Variants in CELSR3 observed in about 807,000 individuals in gnomAD.
CELSR3 encodes the protein cadherin EGF LAG seven-pass G-type receptor 3, also known as EGF-like protein 1.
In CELSR3, 73 loss-of-function variants were observed where a neutral mutation model predicts 270.0. The ratio of observed to expected loss-of-function variants is 0.27; its 90% CI spans 0.22 to 0.33. The LOEUF (loss-of-function observed/expected upper bound fraction) is 0.33. Among genes scored for constraint, CELSR3 ranks in the 10% least tolerant of loss-of-function variants. CELSR3 has a pLI of 1.00. For missense variants in CELSR3, 3,614 were observed against 4,533.8 expected (o/e 0.80, Z 5.83); for synonymous variants, 1,780 against 1,905.4 (o/e 0.93, Z 1.71).
Position 48,654,311 on chromosome 3 carries a change from G to A in CELSR3, c.5130C>T (p.Val1710=), listed in dbSNP as rs1275152230. 5.6e-6 allele frequency: 9 copies of A among 1,613,778 alleles called. No homozygotes were observed. Among genetic ancestry groups the A allele is most frequent in the African/African-American group, 2.7e-5 (2 of 75,042 alleles). ...DGRRVDMAAF[V]ANNGTMAGCQ... ...TACCTGCCATGGTGCCATTATTTGC[G>A]ACAAAAGCCGCCATGTCCACTCGGC... Residue 1710 remains valine (V), a synonymous_variant, in exon 7 of 35, where the codon GTC becomes GTT. Transcript: ENST00000164024. This position sits in a 1 kb window ranked among gnomAD's most constrained non-coding sequence, Gnocchi z 5.4.
In CELSR3 at chr3:48,646,654, G is replaced by A; in HGVS notation, c.7295+109C>T. On this transcript the variant is annotated intron_variant, in intron 21 of 34. Transcript: ENST00000164024. This position sits in a 1 kb window ranked among gnomAD's most constrained non-coding sequence, Gnocchi z 4.8. ...GAACCCGGCAAGGATGGGGCTCCCT[G>A]GAGCTGTGCTCCTCTCTGTGTGTTG... 2 of 1,156,586 alleles carry A rather than the reference G, an allele frequency of 1.7e-6. No individual in the cohort carries two copies. Among genetic ancestry groups the A allele is most frequent in the Non-Finnish European group, 2.4e-6 (2 of 817,160 alleles). The allele number at this position is 1,156,586 out of a possible 1,614,324, so 71.6% of individuals were successfully genotyped here.
rs1237750176 is a variant in CELSR3, at chr3:48,662,267, C to T, written c.368G>A (p.Arg123Gln). ...AGACCCTGGTCCCTGTCCTGTCTCT[C>T]GTTCGCGGCTGCCCAATGGCTGGAC... ...HGVQPLGSRE[R>Q]ETGQGPGSVL... is the part of the protein sequence containing the mutation. Residue 123 changes from arginine (R) to glutamine (Q), a missense_variant, in exon 1 of 35, where the codon CGA becomes CAA. Transcript: ENST00000164024. The surrounding 1 kb of genome is among the most constrained non-coding windows in gnomAD (Gnocchi z 7.1). 1.2e-6 allele frequency: 2 copies of T among 1,613,004 alleles called. No individual in the cohort carries two copies. Among genetic ancestry groups the T allele is most frequent in the African/African-American group, 1.3e-5 (1 of 74,934 alleles).
rs1302350899 is a variant in CELSR3 at position 48,639,463 on chromosome 3, G to A, written c.9911+211C>T. ...GTGCTGGGAAGGCTGGCTGGCTCCA[G>A]TCACACAGCCAGCAAGTCCCTGCTA... On this transcript the variant is annotated intron_variant, in intron 34 of 34. Coordinates refer to ENST00000164024, the MANE Select transcript of CELSR3 (RefSeq NM_001407.3). This position sits in a 1 kb window ranked among gnomAD's most constrained non-coding sequence, Gnocchi z 4.1. Among the ~76,000 whole-genome samples, 1 of 152,160 alleles carries A rather than the reference G, an allele frequency of 6.6e-6. No individual in the cohort carries two copies. Among genetic ancestry groups the A allele is most frequent in the Non-Finnish European group, 1.5e-5 (1 of 68,026 alleles).
rs745588778 is a variant in CELSR3 at position 48,659,412 on chromosome 3, G to A, written c.3223C>T (p.Arg1075Trp). ...PVFPAEEFEV[R>W]VKENSIVGSV... ...CCCACAATGCTATTCTCTTTCACCC[G>A]CACCTCAAACTCCTCAGCTGGGAAG... The change falls in exon 1 of 35, where the codon CGG becomes TGG. Residue 1075 changes from arginine to tryptophan, a missense_variant. By Grantham distance (101) the Arg-to-Trp change is moderately radical. Coordinates refer to ENST00000164024, the MANE Select transcript of CELSR3 (RefSeq NM_001407.3). The surrounding 1 kb of genome is among the most constrained non-coding windows in gnomAD (Gnocchi z 8.1). 1.1e-5 allele frequency: 18 copies of A among 1,614,008 alleles called. No individual in the cohort carries two copies. Among genetic ancestry groups the A allele is most frequent in the Admixed American group, 3.3e-5 (2 of 60,004 alleles).
rs761499699 is a variant in CELSR3, at chr3:48,640,021, G to A, written c.9564C>T (p.Ser3188=). The A allele has an allele frequency of 9.3e-6, 15 of 1,611,852 alleles. No individual in the cohort carries two copies. Among genetic ancestry groups the A allele is most frequent in the Non-Finnish European group, 1.2e-5 (14 of 1,179,846 alleles). Residue 3188 remains serine (S), a synonymous_variant, in exon 34 of 35, where the codon TCC becomes TCT. Transcript: ENST00000164024. This position sits in a 1 kb window ranked among gnomAD's most constrained non-coding sequence, Gnocchi z 7.5. ...TCCTAGACAGAGAGTCCAGCGGCCG[G>A]GATGGCAAGAGGGGGTCCCTTGAGA... ...RQLSRDPLLP[S]RPLDSLSRSS...
Position 48,651,108 on chromosome 3 carries a change from G to C in CELSR3, c.6187-33C>G, listed in dbSNP as rs573751193. On this transcript the variant is annotated intron_variant, in intron 14 of 34. Transcript: ENST00000164024. This position sits in a 1 kb window ranked among gnomAD's most constrained non-coding sequence, Gnocchi z 7.4. ...AGGATGGGCCAGGGGCCTGAAGTCAGAGGTCAGGGCTTGGGGAATGAGTGG... is the reference window on the plus strand; with the variant it reads ...AGGATGGGCCAGGGGCCTGAAGTCACAGGTCAGGGCTTGGGGAATGAGTGG... 1 of 1,536,680 alleles carries C rather than the reference G, an allele frequency of 6.5e-7. No individual in the cohort carries two copies.
At position 48,662,445 on chromosome 3, in the gene CELSR3, A is replaced by G; in HGVS notation, c.190T>C (p.Cys64Arg). The G allele has an allele frequency of 6.2e-7, 1 of 1,612,672 alleles. No homozygotes were observed. Residue 64 changes from cysteine to arginine, a missense_variant, in exon 1 of 35, where the codon TGT becomes CGT. Coordinates refer to ENST00000164024, the MANE Select transcript of CELSR3 (RefSeq NM_001407.3). This position sits in a 1 kb window ranked among gnomAD's most constrained non-coding sequence, Gnocchi z 7.1. ...AHIGGGALAL[C>R]PESSGVREDG... is the part of the protein sequence containing the mutation. ...TCCCGGACCCCGGAAGACTCCGGAC[A>G]AAGAGCTAAGGCTCCGCCACCGATA...
rs2077077841 is a variant in CELSR3 at position 48,662,573 on chromosome 3, A to T, written c.62T>A (p.Leu21His). ...GAGGGGGAACAAAGAGAGGAGAAGG[A>T]GCAGGAGTATGGGGGTCGACCGTCC... is the stretch of plus-strand genomic sequence containing the variant. ...LGGRSTPILL[L>H]LLLSLFPLSQ... is the part of the protein sequence containing the mutation. Residue 21 changes from leucine to histidine, a missense_variant, in exon 1 of 35, where the codon CTC (leucine) becomes CAC (histidine). Around this residue, in one of 7 missense-constraint regions of CELSR3, gnomAD observed 470 missense variants for 469.7 expected, o/e 1.00. Coordinates refer to ENST00000164024, the MANE Select transcript of CELSR3 (RefSeq NM_001407.3). This position sits in a 1 kb window ranked among gnomAD's most constrained non-coding sequence, Gnocchi z 7.1. The T allele has an allele frequency of 6.4e-7, 1 of 1,559,350 alleles. No individual in the cohort carries two copies. The highest frequency in any genetic ancestry group is 8.7e-7 in the Non-Finnish European group (1 of 1,152,166).
Position 48,659,180 on chromosome 3 carries a change from C to A in CELSR3, c.3455G>T (p.Arg1152Leu). The change falls in exon 1 of 35, where the codon CGG (arginine) becomes CTG (leucine). Residue 1152 changes from arginine (R) to leucine (L), a missense_variant. Around this residue, in one of 7 missense-constraint regions of CELSR3, gnomAD observed 1,331 missense variants for 1,933.7 expected, o/e 0.69. Coordinates refer to ENST00000164024, the MANE Select transcript of CELSR3 (RefSeq NM_001407.3). The surrounding 1 kb of genome is among the most constrained non-coding windows in gnomAD (Gnocchi z 8.1). ...VQATSAPLVSRATVHVRLVDQ... is the reference protein window; with the variant it reads ...VQATSAPLVSLATVHVRLVDQ... ...AACCAGGCGGACGTGCACAGTGGCC[C>A]GGCTGACCAAAGGAGCAGATGTGGC... 6.2e-7 allele frequency: 1 copy of A among 1,614,162 alleles called. No homozygotes were observed.
rs142164680 is a variant in CELSR3 at position 48,642,111 on chromosome 3, G to A, written c.8666-102C>T. On this transcript the variant is annotated intron_variant, in intron 31 of 34. Transcript: ENST00000164024. The surrounding 1 kb of genome is among the most constrained non-coding windows in gnomAD (Gnocchi z 6.1). ...AGGTGGGTACGGCAAGGGGGTTAGG[G>A]TTGGGGACAGGAACCGGGGCTTGAA... is the stretch of plus-strand genomic sequence containing the variant. 4.6e-5 allele frequency: 54 copies of A among 1,169,752 alleles called. 1 individual carries two copies. The African/African-American group carries it at 7.9e-4, about 17-fold the overall frequency. 72.5% of individuals were successfully genotyped at this position (1,169,752 alleles called of 1,614,324 possible).
chr3:48,662,095 G>A lies in CELSR3; in HGVS notation c.540C>T (p.His180=), dbSNP rs773523822. The A allele has an allele frequency of 6.2e-7, 1 of 1,613,952 alleles. No homozygotes were observed. The highest frequency in any genetic ancestry group is 2.2e-5 in the East Asian group (1 of 44,872). ...GCTGGGAGGACACCGGCTTGGGACC[G>A]TGGTGCCGAATCAAAAAGTCTGAAG... ...PLPSDFLIRH[H]GPKPVSSQRN... The change falls in exon 1 of 35, where the codon CAC becomes CAT. Residue 180 remains histidine (H), a synonymous_variant. Coordinates refer to ENST00000164024, the MANE Select transcript of CELSR3 (RefSeq NM_001407.3). The surrounding 1 kb of genome is among the most constrained non-coding windows in gnomAD (Gnocchi z 7.1).
rs189792349 is a variant in CELSR3, at chr3:48,654,727, G to T, written c.4989-275C>A. 1.9e-3 allele frequency among the ~76,000 whole-genome samples: 288 copies of T among 152,080 alleles called. 3 individuals are homozygous for T. The highest frequency in any genetic ancestry group is 6.4e-3 in the African/African-American group (265 of 41,468). On this transcript the variant is annotated intron_variant, in intron 6 of 34. Transcript: ENST00000164024. This position sits in a 1 kb window ranked among gnomAD's most constrained non-coding sequence, Gnocchi z 5.4. ...GGCTGGCTGGGGAGGGGATGGAGAC[G>T]TGAAGACTCTGGGGGACTGGACATG...
chr3:48,650,636 CCA>C lies in CELSR3; in HGVS notation c.6371-57_6371-56del. 2 of 1,413,982 alleles carry C rather than the reference CCA, an allele frequency of 1.4e-6. No homozygotes were observed. Among genetic ancestry groups the C allele is most frequent in the Non-Finnish European group, 1.9e-6 (2 of 1,033,288 alleles). The allele number at this position is 1,413,982 out of a possible 1,614,324, so 87.6% of individuals were successfully genotyped here. A position where few individuals can be genotyped will look rare whatever the true frequency, so the allele number is the denominator to read the frequency against. On this transcript the variant is annotated intron_variant, in intron 15 of 34. Transcript: ENST00000164024. This position sits in a 1 kb window ranked among gnomAD's most constrained non-coding sequence, Gnocchi z 5.1. ...AGTCAGGGTACAGGGCAGTTGACAG[CCA>C]CACCCACTGCCCCTCCACCACCCCC...
At chr3:48,643,492 G>T (rs1475362310) in intron 28 of CELSR3, 62 bp downstream of exon 28, 5 of 1,527,338 alleles carry the variant, frequency 3.3e-6, no homozygotes, top group Non-Finnish European at 4.4e-6. Flanking sequence ...TCTGCCTAGG[G>T]ATGGCCCCAG....
In CELSR3 at chr3:48,638,166, T is replaced by C. The variant is rs1169555147; in HGVS notation, c.*39A>G. ...GTCTCTCCTGTTAGCCTAGATCCTC[T>C]GTCGCCCTCAGCTGTTCCTCGTCCA... On this transcript the variant is annotated 3_prime_UTR_variant, in exon 35 of 35. Coordinates refer to ENST00000164024, the MANE Select transcript of CELSR3 (RefSeq NM_001407.3). 1 of 1,596,302 alleles carries C rather than the reference T, an allele frequency of 6.3e-7. No individual in the cohort carries two copies. The highest frequency in any genetic ancestry group is 1.7e-5 in the Admixed American group (1 of 59,968).
At position 48,645,261 on chromosome 3, in the gene CELSR3, C is replaced by T. The variant is rs1287692789; in HGVS notation, c.7798-52G>A. The T allele has an allele frequency of 6.5e-7, 1 of 1,549,830 alleles. No individual in the cohort carries two copies. Reference sequence around the variant, plus strand: ...CTCTCCTGCCTCACCCACCTCTGACCCCTACCCCAGGCATCTGCTTCCCAC... The same window carrying T: ...CTCTCCTGCCTCACCCACCTCTGACTCCTACCCCAGGCATCTGCTTCCCAC... On this transcript the variant is annotated intron_variant, in intron 24 of 34. Transcript: ENST00000164024. The surrounding 1 kb of genome is among the most constrained non-coding windows in gnomAD (Gnocchi z 5.4).
Position 48,662,784 on chromosome 3 carries a change from C to G in CELSR3, c.-150G>C, listed in dbSNP as rs2077080107. 3 of 310,012 alleles carry G rather than the reference C, an allele frequency of 9.7e-6. No homozygotes were observed. The East Asian group carries it at 1.7e-4, about 18-fold the overall frequency. 19.2% of individuals were successfully genotyped at this position (310,012 alleles called of 1,614,324 possible). On this transcript the variant is annotated 5_prime_UTR_variant, in exon 1 of 35. Transcript: ENST00000164024. The surrounding 1 kb of genome is among the most constrained non-coding windows in gnomAD (Gnocchi z 7.1). The stretch of plus-strand genomic sequence containing the variant: ...CTCCGCACCCCCGCCGCCCTCTGGG[C>G]ACCATCTACTCCGCGGCCGGAGCCC...
At position 48,652,168 on chromosome 3, in the gene CELSR3, A is replaced by C. The variant is rs1437293062; in HGVS notation, c.5752-120T>G. ...ATGCAGTCTTCTGATACCCTCAAAA[A>C]ACCCAGGCCTCAAAAATATCCCCAA... On this transcript the variant is annotated intron_variant, in intron 11 of 34. Coordinates refer to ENST00000164024, the MANE Select transcript of CELSR3 (RefSeq NM_001407.3). The surrounding 1 kb of genome is among the most constrained non-coding windows in gnomAD (Gnocchi z 4.3). 9 of 1,067,366 alleles carry C rather than the reference A, an allele frequency of 8.4e-6. No individual in the cohort carries two copies. The highest frequency in any genetic ancestry group is 7.8e-6 in the Non-Finnish European group (6 of 767,798). The allele number at this position is 1,067,366 out of a possible 1,614,324, so 66.1% of individuals were successfully genotyped here. A position where few individuals can be genotyped will look rare whatever the true frequency, so the allele number is the denominator to read the frequency against.
rs1157581699 is a variant in CELSR3, at chr3:48,637,080, G to C, written c.*1125C>G. Reference sequence around the variant, plus strand: ...AAAGTAAAAACATTTTTTGAATCTGGACTTGTAAACAGTAACAAAATTTTA... The same window carrying C: ...AAAGTAAAAACATTTTTTGAATCTGCACTTGTAAACAGTAACAAAATTTTA... On this transcript the variant is annotated 3_prime_UTR_variant, in exon 35 of 35. Coordinates refer to ENST00000164024, the MANE Select transcript of CELSR3 (RefSeq NM_001407.3). The C allele has an allele frequency of 1.3e-5, 2 of 152,488 alleles. No homozygotes were observed. The highest frequency in any genetic ancestry group is 4.8e-5 in the African/African-American group (2 of 41,410). The allele number at this position is 152,488 out of a possible 1,614,324, so 9.4% of individuals were successfully genotyped here. A position where few individuals can be genotyped will look rare whatever the true frequency, so the allele number is the denominator to read the frequency against.
Sources: allele counts gnomAD v4.1 joint callset (sites outside exome capture counted in the v4.1 genomes callset), GRCh38; gene constraint gnomAD v4.1.1; regional missense constraint gnomAD v4.1.1; non-coding constraint Gnocchi (gnomAD v3.1); transcripts MANE v1.5; gene names NCBI Gene and HGNC (gene_info 2026-07-23, HGNC 2026-07-21).